TEX14: variants seen among roughly 807,000 people sequenced by gnomAD.
TEX14 encodes inactive serine/threonine-protein kinase TEX14.
A neutral mutation model predicts 178.6 loss-of-function variants in TEX14; 168 were observed. That is an observed-to-expected ratio of 0.94 (90% CI 0.83 to 1.07). The LOEUF (loss-of-function observed/expected upper bound fraction) is 1.07. TEX14 is among the 50% of genes least tolerant of loss of function. TEX14 has a pLI of 0.00. For synonymous variants in TEX14, 626 were observed against 634.1 expected (o/e 0.99, Z 0.19); for missense variants, 1,730 against 1,753.6 (o/e 0.99, Z 0.24).
chr17:58,686,630 C>G (rs1446028860), intron 1 of TEX14, among the ~76,000 whole-genome samples: 3 of 152,018 alleles, frequency 2.0e-5, no homozygotes, highest in Non-Finnish European at 4.4e-5. Flanking sequence ...ATTAAAAAAG[C>G]CAAGTAAGAG....
chr17:58,574,072 C>T lies in TEX14; in HGVS notation c.3383+115G>A, dbSNP rs528682109. The T allele has an allele frequency of 6.1e-6, 5 of 826,084 alleles. No homozygotes were observed. In the East Asian group the frequency reaches 7.6e-5, roughly 13 times the overall value. 51.2% of individuals were successfully genotyped at this position (826,084 alleles called of 1,614,324 possible). On this transcript the variant is annotated intron_variant, in intron 22 of 31. Transcript: ENST00000349033. Reference sequence around the variant, plus strand: ...ACTTTTTGGTGAAAGAAGCAGCATACTCACATTAAGTCTACACGTAAAAAT... The same window carrying T: ...ACTTTTTGGTGAAAGAAGCAGCATATTCACATTAAGTCTACACGTAAAAAT...
At chr17:58,670,844 G>A (rs2047294467) in intron 1 of TEX14, among the ~76,000 whole-genome samples, 1 of 143,582 alleles carries the variant, frequency 7.0e-6, no homozygotes, top group South Asian at 2.3e-4. Flanking sequence ...GAAAGCATAT[G>A]TTAAGCATCT....
At chr17:58,680,579 T>A (rs1421616581) in intron 1 of TEX14, among the ~76,000 whole-genome samples, 1 of 151,572 alleles carries the variant, frequency 6.6e-6, no homozygotes, top group Non-Finnish European at 1.5e-5. Context: ...CTATCTCTAA[T>A]AAAAATACAA....
At position 58,569,293 on chromosome 17, in the gene TEX14, C is replaced by CT. The variant is rs2044470242; in HGVS notation, c.3818-34dup. The CT allele has an allele frequency of 6.4e-7, 1 of 1,568,790 alleles. No homozygotes were observed. Reference sequence around the variant, plus strand: ...TTAAAAAAGACAAAAGGGAAAATGTCTTAACACCCTCCTGGACCTGAACTG... The same window carrying CT: ...TTAAAAAAGACAAAAGGGAAAATGTCTTTAACACCCTCCTGGACCTGAACTG... On this transcript the variant is annotated intron_variant, in intron 25 of 31. Transcript: ENST00000349033. This position sits in a 1 kb window ranked among gnomAD's most constrained non-coding sequence, Gnocchi z 4.1.
intron 15 of TEX14, 58 bp downstream of exon 15, chr17:58,593,497 G>A: frequency 7.8e-7 from 1 of 1,289,950 alleles, no homozygotes; most frequent in Non-Finnish European, 1.1e-6. Context: ...AGTGGCCTCA[G>A]AGACACACAG....
intron 16 of TEX14, 49 bp downstream of exon 16, chr17:58,587,847 A>AC (rs775970578): frequency 2.5e-4 from 156 of 622,210 alleles, no homozygotes; most frequent in East Asian, 6.8e-4. Flanking sequence ...GCCAGAACCC[A>AC]CCCCCACCCC....
chr17:58,643,045 A>G lies in TEX14; in HGVS notation c.136+8821T>C, dbSNP rs529896790. Among the ~76,000 whole-genome samples the G allele has an allele frequency of 7.2e-5, 11 of 152,300 alleles. 1 individual carries two copies. In the South Asian group the frequency reaches 1.7e-3, roughly 23 times the overall value. On this transcript the variant is annotated intron_variant, in intron 2 of 31. Coordinates refer to ENST00000349033, the MANE Select transcript of TEX14 (RefSeq NM_031272.5). ...AGAAACATGTCTTATTTATCTCTGT[A>G]TCTCCAGCACATTGCCTGGCACAGT...
Position 58,557,756 on chromosome 17 carries a change from A to G in TEX14, c.4319+43T>C, listed in dbSNP as rs192092179. ...GTTTTTAAGTCTGCTTCTGTTGTCT[A>G]TAAACATGACTTTTGATCTACAAAC... On this transcript the variant is annotated intron_variant, in intron 31 of 31. Coordinates refer to ENST00000349033, the MANE Select transcript of TEX14 (RefSeq NM_031272.5). The G allele has an allele frequency of 2.6e-4, 399 of 1,529,622 alleles. 5 individuals are homozygous for G. The East Asian group carries it at 7.8e-3, about 30-fold the overall frequency. The allele number at this position is 1,529,622 out of a possible 1,614,324, so 94.8% of individuals were successfully genotyped here. A position where few individuals can be genotyped will look rare whatever the true frequency, so the allele number is the denominator to read the frequency against.
At chr17:58,558,697 A>G (rs2044205948) in intron 30 of TEX14, among the ~76,000 whole-genome samples, 1 of 152,202 alleles carries the variant, frequency 6.6e-6, no homozygotes, top group Admixed American at 6.5e-5. Flanking sequence ...GCGTCATTGT[A>G]AAGGGCATAT....
chr17:58,690,124 G>A (rs369979267), intron 1 of TEX14, among the ~76,000 whole-genome samples: 8 of 151,678 alleles, frequency 5.3e-5, no homozygotes, highest in African/African-American at 1.9e-4. Flanking sequence ...AAATTATACA[G>A]CTATAGATAG....
At chr17:58,690,260 G>A (rs903246788) in intron 1 of TEX14, among the ~76,000 whole-genome samples, 4 of 151,768 alleles carry the variant, frequency 2.6e-5, no homozygotes, top group Admixed American at 6.6e-5. Flanking sequence ...TCAACCTCCC[G>A]GGCTCAATTG....
chr17:58,668,285 C>G (rs1234374775), intron 1 of TEX14, among the ~76,000 whole-genome samples: 2 of 152,200 alleles, frequency 1.3e-5, no homozygotes, highest in Admixed American at 1.3e-4. Flanking sequence ...CTACAAGACC[C>G]CATTGCAGCG....
rs1238710370 is a variant in TEX14, at chr17:58,575,177, C to T, written c.3321-928G>A. ...TTGCCCAGGCTGGAGTGCAATGGCG[C>T]GATCTCAGCTCACTGCAACCTTCGC... On this transcript the variant is annotated intron_variant, in intron 21 of 31. Transcript: ENST00000349033. 5.4e-5 allele frequency among the ~76,000 whole-genome samples: 8 copies of T among 149,318 alleles called. No individual in the cohort carries two copies. In the South Asian group the frequency reaches 1.1e-3, roughly 20 times the overall value.
In TEX14 at chr17:58,585,807, A is replaced by G; in HGVS notation, c.3064T>C (p.Phe1022Leu). 6.2e-7 allele frequency: 1 copy of G among 1,613,700 alleles called. No homozygotes were observed. The highest frequency in any genetic ancestry group is 8.5e-7 in the Non-Finnish European group (1 of 1,179,778). Residue 1022 changes from phenylalanine to leucine, a missense_variant, in exon 18 of 32, where the codon TTC (phenylalanine) becomes CTC (leucine). Transcript: ENST00000349033. ...TTCCCGCAAGTGAACTTACTGGTGA[A>G]GCTTCCAAGCCTGGGCTGTCTGCCA... ...QHGRQPRLGS[F>L]TSIRHPSPRQ...
At chr17:58,585,756 T>C (rs753831189) in intron 18 of TEX14, 45 bp downstream of exon 18, 38 of 1,597,696 alleles carry the variant, frequency 2.4e-5, no homozygotes, top group Non-Finnish European at 3.2e-5. Context: ...GCCCGACTGA[T>C]ACTTGATTGA....
intron 2 of TEX14, among the ~76,000 whole-genome samples, chr17:58,638,427 C>T (rs921480597): frequency 6.6e-6 from 1 of 152,142 alleles, no homozygotes; most frequent in African/African-American, 2.4e-5. Flanking sequence ...CCCAAATGCC[C>T]ATCAATCAAC....
intron 2 of TEX14, among the ~76,000 whole-genome samples, chr17:58,645,605 G>A (rs1277386021): frequency 2.6e-5 from 4 of 151,602 alleles, no homozygotes; most frequent in African/African-American, 4.8e-5. Context: ...TGATCCGCCC[G>A]CCTCAGCCTC....
At chr17:58,630,678 T>TA (rs548628655) in intron 2 of TEX14, 124 bp from the exon 3 acceptor site, 21 of 633,446 alleles carry the variant, frequency 3.3e-5, no homozygotes, top group Admixed American at 1.7e-4. Context: ...AGCTTTTTTT[T>TA]AAAAAAAGTA....
At chr17:58,608,054 G>A (rs929476487) in intron 10 of TEX14, among the ~76,000 whole-genome samples, 8 of 152,124 alleles carry the variant, frequency 5.3e-5, no homozygotes, top group African/African-American at 1.2e-4. Flanking sequence ...AGGCCAGGTC[G>A]GGCAGATCGC....
Sources: gnomAD v4.1 joint callset for allele counts (sites outside exome capture counted in the v4.1 genomes callset) on GRCh38, gnomAD v4.1.1 for gene constraint, Gnocchi (gnomAD v3.1) non-coding constraint, MANE v1.5 for transcripts, NCBI Gene and HGNC (gene_info 2026-07-23, HGNC 2026-07-21) for gene names.